The following TUSC3 variants were observed in gnomAD, a reference collection of about 807,000 sequenced individuals.
TUSC3 encodes the protein tumor suppressor candidate 3, also known as dolichyl-diphosphooligosaccharide--protein glycosyltransferase subunit TUSC3.
In TUSC3, 45 loss-of-function variants were observed where a neutral mutation model predicts 44.8. The observed-to-expected ratio is 1.00, with a 90% CI of 0.79 to 1.29. TUSC3 has a LOEUF of 1.29. Among genes scored for constraint, TUSC3 ranks in the 50% most tolerant of loss-of-function variants. The pLI, the probability that TUSC3 is intolerant of heterozygous loss-of-function variation, is 0.00. For synonymous variants in TUSC3, 212 were observed against 152.9 expected, an observed-to-expected ratio of 1.39 and a Z score of -2.85; for missense variants, 519 against 437.9, an observed-to-expected ratio of 1.19 and a Z score of -1.65.
intron 9 of TUSC3, among the ~76,000 whole-genome samples, chr8:15,751,413 T>C (rs1363209063): frequency 2.0e-5 from 3 of 152,198 alleles, no homozygotes; most frequent in Non-Finnish European, 1.5e-5. Flanking sequence ...GTCTTTATAC[T>C]GTTCTCTTCA....
intron 6 of TUSC3, among the ~76,000 whole-genome samples, chr8:15,727,003 A>G (rs1448673939): frequency 6.6e-6 from 1 of 152,148 alleles, no homozygotes; most frequent in African/African-American, 2.4e-5. Flanking sequence ...ATTTTAGAAT[A>G]AATTATCCTG....
intron 1 of TUSC3, among the ~76,000 whole-genome samples, chr8:15,609,109 G>C (rs1297177018): frequency 6.6e-6 from 1 of 152,130 alleles, no homozygotes; most frequent in East Asian, 1.9e-4. Context: ...ACATATTTTA[G>C]TGACTGATTT....
intron 1 of TUSC3, among the ~76,000 whole-genome samples, chr8:15,445,787 A>G (rs1800088094): frequency 6.6e-6 from 1 of 152,202 alleles, no homozygotes; most frequent in South Asian, 2.1e-4. Flanking sequence ...CTATTCGACA[A>G]AACCACCATC....
chr8:15,526,318 C>T (rs1422776137), intron 2 of TUSC3, among the ~76,000 whole-genome samples: 1 of 152,140 alleles, frequency 6.6e-6, no homozygotes, highest in African/African-American at 2.4e-5. Context: ...AGGCGTGAGC[C>T]ACCGCGCCTG....
chr8:15,681,018 G>A (rs990798816), intron 6 of TUSC3, among the ~76,000 whole-genome samples: 2 of 151,758 alleles, frequency 1.3e-5, no homozygotes, highest in Admixed American at 1.3e-4. Flanking sequence ...TTACATCTAT[G>A]TTCCTTAGTG....
At chr8:15,757,148 GT>G (rs530731160) in intron 9 of TUSC3, among the ~76,000 whole-genome samples, 250 of 152,154 alleles carry the variant, frequency 1.6e-3, no homozygotes, top group African/African-American at 5.8e-3. Context: ...AAAAAAACTC[GT>G]TCTTAAAAAA....
intron 6 of TUSC3, among the ~76,000 whole-genome samples, chr8:15,680,300 C>T (rs1808368158): frequency 6.6e-6 from 1 of 151,622 alleles, no homozygotes; most frequent in African/African-American, 2.4e-5. Flanking sequence ...GATCTTTCAC[C>T]TCTTTGGTTA....
At chr8:15,720,728 C>T (rs149920379) in intron 6 of TUSC3, among the ~76,000 whole-genome samples, 4,593 of 152,048 alleles carry the variant, frequency 0.03, 91 homozygotes, top group Non-Finnish European at 0.042. Context: ...AGAGAAGTTT[C>T]AAGAATGTAA....
chr8:15,517,044 C>A (rs994067874), intron 2 of TUSC3, among the ~76,000 whole-genome samples: 1 of 152,044 alleles, frequency 6.6e-6, no homozygotes, highest in African/African-American at 2.4e-5. Flanking sequence ...GGCTTAGATC[C>A]TTTTGTGCCT....
At chr8:15,810,594 C>A in the TUSC3 span, among the ~76,000 whole-genome samples, 6 of 151,984 alleles carry the variant, frequency 3.9e-5, no homozygotes, top group South Asian at 1.2e-3. Flanking sequence ...GCCATGATGG[C>A]ACTACTGCAC....
intron 6 of TUSC3, among the ~76,000 whole-genome samples, chr8:15,677,465 C>T (rs923437731): frequency 1.3e-5 from 2 of 152,172 alleles, no homozygotes; most frequent in Non-Finnish European, 2.9e-5. Flanking sequence ...AGAAAGAAAA[C>T]AGAGCAGGGT....
intron 1 of TUSC3, among the ~76,000 whole-genome samples, chr8:15,479,100 A>T (rs1269542413): frequency 6.6e-6 from 1 of 152,098 alleles, no homozygotes; most frequent in Non-Finnish European, 1.5e-5. Context: ...GTATGTGTTC[A>T]TGTCCTTTGC....
chr8:15,809,742 A>T, the TUSC3 span, among the ~76,000 whole-genome samples: 9 of 152,194 alleles, frequency 5.9e-5, no homozygotes, highest in African/African-American at 1.9e-4. Flanking sequence ...GGGTAACCAA[A>T]ACTGTAGCAA....
chr8:15,486,675 C>A (rs1024217907), intron 2 of TUSC3, among the ~76,000 whole-genome samples: 2 of 151,918 alleles, frequency 1.3e-5, no homozygotes, highest in Non-Finnish European at 2.9e-5. Flanking sequence ...GAGCTCCTGA[C>A]CTCGTGATTC....
intron 1 of TUSC3, among the ~76,000 whole-genome samples, chr8:15,572,902 A>T (rs1180993193): frequency 6.6e-6 from 1 of 152,056 alleles, no homozygotes; most frequent in African/African-American, 2.4e-5. Context: ...CACAAAAGTG[A>T]CATCAAAGAT....
At chr8:15,566,383 A>G (rs1293570214) in intron 1 of TUSC3, among the ~76,000 whole-genome samples, 1 of 152,128 alleles carries the variant, frequency 6.6e-6, no homozygotes, top group Non-Finnish European at 1.5e-5. Flanking sequence ...ACTTTAAATC[A>G]TTTTATTATT....
At chr8:15,433,282 A>C (rs1466455665) in intron 1 of TUSC3, among the ~76,000 whole-genome samples, 1 of 152,134 alleles carries the variant, frequency 6.6e-6, no homozygotes, top group Non-Finnish European at 1.5e-5. Context: ...AGACTGGAAC[A>C]TGGTCAGATT....
intron 2 of TUSC3, among the ~76,000 whole-genome samples, chr8:15,503,864 C>G (rs563457807): frequency 1.3e-5 from 2 of 151,770 alleles, no homozygotes; most frequent in Middle Eastern, 3.4e-3. Context: ...GGTAATGGCT[C>G]CACAGCTGGG....
Position 15,443,380 on chromosome 8 carries a change from G to A in TUSC3, n.91+26075G>A, listed in dbSNP as rs71211041. 9.7e-5 allele frequency among the ~76,000 whole-genome samples: 14 copies of A among 143,614 alleles called. No homozygotes were observed. The South Asian group carries it at 3.1e-3, about 32-fold the overall frequency. 94.2% of individuals were successfully genotyped at this position (143,614 alleles called of 152,430 possible). ...TGTGTGTGTGTGTGTGTGTGTGTGT[G>A]TAAAGATGGGGTTTCACCATGTTGC... is the stretch of plus-strand genomic sequence containing the variant. On this transcript the variant is annotated intron_variant and non_coding_transcript_variant, in intron 1 of 5. Coordinates refer to the TUSC3 transcript ENST00000503191.
Sources: gnomAD v4.1 joint callset for allele counts (sites outside exome capture counted in the v4.1 genomes callset) on GRCh38, gnomAD v4.1.1 for gene constraint, MANE v1.5 for transcripts, NCBI Gene and HGNC (gene_info 2026-07-23, HGNC 2026-07-21) for gene names.